CAMK2D: variants seen among roughly 807,000 people sequenced by gnomAD.
The protein encoded by CAMK2D is calcium/calmodulin-dependent protein kinase type II subunit delta.
CAMK2D carries 37 observed loss-of-function variants against 84.0 expected under a neutral mutation model. That is an observed-to-expected ratio of 0.44 (90% CI 0.34 to 0.58). The LOEUF is 0.58. Among genes scored for constraint, CAMK2D ranks in the 20% least tolerant of loss-of-function variants. CAMK2D has a pLI of 0.02. For synonymous variants in CAMK2D, 202 were observed against 212.5 expected, an observed-to-expected ratio of 0.95 and a Z score of 0.43; for missense variants, 448 against 652.5, an observed-to-expected ratio of 0.69 and a Z score of 3.41.
intron 4 of CAMK2D, among the ~76,000 whole-genome samples, chr4:113,602,727 T>C (rs2098958374): frequency 6.6e-6 from 1 of 152,230 alleles, no homozygotes; most frequent in African/African-American, 2.4e-5. Context: ...CTAACCACCC[T>C]TTTGAGTTAC....
chr4:113,477,414 A>G (rs17046086), intron 16 of CAMK2D, among the ~76,000 whole-genome samples: 4,440 of 152,242 alleles, frequency 0.029, 216 homozygotes, highest in African/African-American at 0.099. Context: ...CTCTAAATTC[A>G]GCTTAGATAA....
At chr4:113,757,025 A>G (rs570013979) in intron 2 of CAMK2D, among the ~76,000 whole-genome samples, 1 of 152,230 alleles carries the variant, frequency 6.6e-6, no homozygotes, top group Non-Finnish European at 1.5e-5. Context: ...AATGATTCTC[A>G]TTGAATTCCC....
intron 2 of CAMK2D, among the ~76,000 whole-genome samples, chr4:113,674,884 G>T (rs2099311849): frequency 6.6e-6 from 1 of 151,712 alleles, no homozygotes; most frequent in Non-Finnish European, 1.5e-5. Context: ...CACTAAGGAG[G>T]AACTTCTACT....
chr4:113,586,707 T>C (rs1412790897), intron 4 of CAMK2D, among the ~76,000 whole-genome samples: 2 of 152,118 alleles, frequency 1.3e-5, no homozygotes, highest in East Asian at 3.9e-4. Flanking sequence ...AGGCTTTATC[T>C]CTTTATTTAA....
intron 16 of CAMK2D, among the ~76,000 whole-genome samples, chr4:113,473,847 G>GT (rs1015362926): frequency 7.9e-5 from 12 of 151,772 alleles, no homozygotes; most frequent in African/African-American, 1.7e-4. Flanking sequence ...ATAGGTTTAT[G>GT]TTTTTTTTAG....
chr4:113,592,440 G>C (rs773901234), intron 4 of CAMK2D, among the ~76,000 whole-genome samples: 1 of 152,194 alleles, frequency 6.6e-6, no homozygotes, highest in African/African-American at 2.4e-5. Context: ...CTTTCAAGGA[G>C]AACCATCTGA....
chr4:113,504,609 C>T (rs769740503), intron 14 of CAMK2D, among the ~76,000 whole-genome samples: 8 of 152,194 alleles, frequency 5.3e-5, no homozygotes, highest in Non-Finnish European at 1.0e-4. Flanking sequence ...AAAGAAGAAA[C>T]CATTGTTTGC....
chr4:113,528,187 T>C (rs192245306), intron 8 of CAMK2D, among the ~76,000 whole-genome samples: 2 of 152,306 alleles, frequency 1.3e-5, no homozygotes, highest in African/African-American at 4.8e-5. Flanking sequence ...CTATAATGCA[T>C]ATATCAGTTA....
intron 8 of CAMK2D, among the ~76,000 whole-genome samples, chr4:113,518,291 G>T (rs2098312337): frequency 6.6e-6 from 1 of 152,094 alleles, no homozygotes; most frequent in Admixed American, 6.6e-5. Flanking sequence ...AGAGAAGGGA[G>T]AAATTCCACA....
intron 9 of CAMK2D, among the ~76,000 whole-genome samples, chr4:113,515,815 T>TAA (rs1181897588): frequency 6.6e-6 from 1 of 152,212 alleles, no homozygotes; most frequent in African/African-American, 2.4e-5. Context: ...TCTGCCCAAT[T>TAA]ACAAATTTCA....
In CAMK2D at chr4:113,458,449, ATAT is replaced by A. The variant is rs200901329; in HGVS notation, c.1307-889_1307-887del. On this transcript the variant is annotated intron_variant, in intron 18 of 20. Coordinates refer to ENST00000511664, the MANE Select transcript of CAMK2D (RefSeq NM_001321571.2). ...AAAACATCTATTCAAATTATATAAA[ATAT>A]TATTATAGTCACCTAAATACCCCAT... 2.9e-4 allele frequency among the ~76,000 whole-genome samples: 44 copies of A among 152,340 alleles called. No individual in the cohort carries two copies. The East Asian group carries it at 7.5e-3, about 26-fold the overall frequency.
chr4:113,500,463 C>G lies in CAMK2D; in HGVS notation c.1135G>C (p.Ala379Pro). The G allele has an allele frequency of 6.3e-7, 1 of 1,580,662 alleles. No individual in the cohort carries two copies. The highest frequency in any genetic ancestry group is 8.7e-7 in the Non-Finnish European group (1 of 1,154,080). ...NTTIEDEDVK[A>P]RKQEIIKVTE... ...TTTTCCATTTCTGGTTAAATCATAC[C>G]TTTCACATCTTCATCCTCAATTGTT... The change falls in exon 16 of 21, where the codon GCA becomes CCA. Residue 379 changes from alanine (A) to proline (P), a missense_variant and splice_region_variant. Physicochemically the swap from Ala to Pro is conservative, Grantham distance 27. Around this residue, in one of 7 missense-constraint regions of CAMK2D, gnomAD observed 219 missense variants for 272.1 expected, o/e 0.80. Transcript: ENST00000511664.
rs554323683 is a variant in CAMK2D at position 113,552,733 on chromosome 4, C to G, written c.276-637G>C. ...ATGCGTACATACATGCGTGCACACA[C>G]GTGTATGTGCATATTAGAGGGTATC... On this transcript the variant is annotated intron_variant, in intron 4 of 20. Coordinates refer to ENST00000511664, the MANE Select transcript of CAMK2D (RefSeq NM_001321571.2). Among the ~76,000 whole-genome samples the G allele has an allele frequency of 3.1e-3, 475 of 152,216 alleles. 4 individuals are homozygous for G. Among genetic ancestry groups the G allele is most frequent in the African/African-American group, 0.011 (463 of 41,538 alleles).
chr4:113,652,829 T>C (rs893586237), intron 3 of CAMK2D, among the ~76,000 whole-genome samples: 5 of 152,128 alleles, frequency 3.3e-5, no homozygotes, highest in African/African-American at 1.2e-4. Flanking sequence ...CAAAGTGTAA[T>C]CTATGTACTA....
intron 2 of CAMK2D, among the ~76,000 whole-genome samples, chr4:113,673,394 CA>C (rs1241221640): frequency 6.6e-6 from 1 of 152,116 alleles, no homozygotes; most frequent in Non-Finnish European, 1.5e-5. Flanking sequence ...TACAGGCCCA[CA>C]GGAGGAATGA....
chr4:113,693,404 G>A (rs891472350), intron 2 of CAMK2D, among the ~76,000 whole-genome samples: 11 of 152,084 alleles, frequency 7.2e-5, no homozygotes, highest in South Asian at 6.2e-4. Flanking sequence ...AAAATATTGC[G>A]TTTTATTGGT....
chr4:113,510,035 G>GCTGA (rs897713721), intron 12 of CAMK2D, among the ~76,000 whole-genome samples: 1 of 152,168 alleles, frequency 6.6e-6, no homozygotes, highest in African/African-American at 2.4e-5. Context: ...TTGGACATCA[G>GCTGA]CTGACTGACA....
chr4:113,713,743 C>G (rs1244708724), intron 2 of CAMK2D, among the ~76,000 whole-genome samples: 1 of 151,456 alleles, frequency 6.6e-6, no homozygotes, highest in Non-Finnish European at 1.5e-5. Flanking sequence ...GGACTTCTGT[C>G]TTTTTCTTAT....
At chr4:113,555,734 T>C (rs752647984) in intron 4 of CAMK2D, among the ~76,000 whole-genome samples, 10 of 152,138 alleles carry the variant, frequency 6.6e-5, no homozygotes, top group Admixed American at 1.3e-4. Flanking sequence ...TAACAATAAA[T>C]ATTCATTGGG....
Sources: gnomAD v4.1 joint callset for allele counts (sites outside exome capture counted in the v4.1 genomes callset) on GRCh38, gnomAD v4.1.1 for gene constraint, gnomAD v4.1.1 regional missense constraint, MANE v1.5 for transcripts, NCBI Gene and HGNC (gene_info 2026-07-23, HGNC 2026-07-21) for gene names.